The following ERC2 variants were observed in gnomAD, a reference collection of about 807,000 sequenced individuals.
The protein encoded by ERC2 is ELKS/RAB6-interacting/CAST family member 2, also known as ERC protein 2.
ERC2 carries 42 observed loss-of-function variants against 114.8 expected under a neutral mutation model. The observed-to-expected ratio is 0.37, with a 90% CI of 0.29 to 0.47. The LOEUF (loss-of-function observed/expected upper bound fraction) is 0.47. Ranked by LOEUF, ERC2 falls within the 20% of genes least tolerant of loss-of-function variation. The pLI, the probability that ERC2 is intolerant of heterozygous loss-of-function variation, is 0.99. For missense variants in ERC2, 939 were observed against 1,150.7 expected (o/e 0.82, Z 2.66); for synonymous variants, 454 against 425.5 (o/e 1.07, Z -0.82).
At position 56,368,196 on chromosome 3, in the gene ERC2, A is replaced by G. The variant is rs563533930; in HGVS notation, c.657+66155T>C. On this transcript the variant is annotated intron_variant, in intron 2 of 17. Coordinates refer to ENST00000288221, the MANE Select transcript of ERC2 (RefSeq NM_015576.3). ...TATTCTTTTTTTTTTAAAAAAAAAA[A>G]AAAAGCAAATGTAGACCAGCTAAGA... is the stretch of plus-strand genomic sequence containing the variant. Among the ~76,000 whole-genome samples the G allele has an allele frequency of 3.3e-5, 5 of 151,660 alleles. No homozygotes were observed. In the South Asian group the frequency reaches 1.0e-3, roughly 32 times the overall value.
At chr3:55,828,092 G>T (rs60065807) in intron 14 of ERC2, among the ~76,000 whole-genome samples, 3,604 of 152,306 alleles carry the variant, frequency 0.024, 78 homozygotes, top group South Asian at 0.085. Flanking sequence ...GTACAAAGAG[G>T]CACGAAAGAA....
chr3:56,328,518 T>A (rs2057466186), intron 2 of ERC2, among the ~76,000 whole-genome samples: 2 of 152,128 alleles, frequency 1.3e-5, no homozygotes, highest in South Asian at 4.1e-4. Context: ...GAAGATAAGG[T>A]ACAAACGGGT....
chr3:55,625,196 A>T (rs969155937), intron 17 of ERC2, among the ~76,000 whole-genome samples: 1 of 151,604 alleles, frequency 6.6e-6, no homozygotes, highest in Non-Finnish European at 1.5e-5. Context: ...GTGAAACCCC[A>T]TCTCTACTAA....
chr3:56,276,050 C>A (rs539276029), intron 3 of ERC2, among the ~76,000 whole-genome samples: 1 of 152,270 alleles, frequency 6.6e-6, no homozygotes, highest in Admixed American at 6.5e-5. Flanking sequence ...TTAAAGGTAG[C>A]TCTAGTACTT....
intron 14 of ERC2, among the ~76,000 whole-genome samples, chr3:55,760,097 C>A (rs2067328414): frequency 6.6e-6 from 1 of 152,152 alleles, no homozygotes; most frequent in Non-Finnish European, 1.5e-5. Flanking sequence ...CAGTCTCGTA[C>A]TTTTCTAATG....
intron 2 of ERC2, among the ~76,000 whole-genome samples, chr3:56,369,660 T>A (rs1437671232): frequency 1.3e-5 from 2 of 152,012 alleles, no homozygotes; most frequent in South Asian, 4.1e-4. Context: ...TGTATCTCCA[T>A]GAGCACCTAC....
intron 14 of ERC2, among the ~76,000 whole-genome samples, chr3:55,758,397 C>T (rs900184506): frequency 4.3e-4 from 65 of 152,208 alleles, no homozygotes; most frequent in African/African-American, 1.5e-3. Context: ...CAAACTCTGC[C>T]TCTTCTCATT....
At chr3:55,647,028 C>CCAGT in intron 17 of ERC2, 1 of 152,238 alleles carries the variant, frequency 6.6e-6, no homozygotes, top group East Asian at 1.9e-4. Context: ...AGAAGCCTGC[C>CCAGT]CAGTTCACCT....
intron 17 of ERC2, among the ~76,000 whole-genome samples, chr3:55,583,873 C>T (rs926056691): frequency 1.2e-5 from 1 of 80,130 alleles, no homozygotes; most frequent in Admixed American, 1.6e-4. Flanking sequence ...AGTCCAACCA[C>T]ATGCCAACTT....
At position 56,029,947 on chromosome 3, in the gene ERC2, A is replaced by G. The variant is rs2074278348; in HGVS notation, c.1642-10916T>C. Reference sequence around the variant, plus strand: ...ATCTTTCTTCTTTTTTCATATAAGCATCCAATGCTTACATTTTCTTCTCAG... The same window carrying G: ...ATCTTTCTTCTTTTTTCATATAAGCGTCCAATGCTTACATTTTCTTCTCAG... On this transcript the variant is annotated intron_variant, in intron 7 of 17. Coordinates refer to ENST00000288221, the MANE Select transcript of ERC2 (RefSeq NM_015576.3). Among the ~76,000 whole-genome samples, 3 of 152,096 alleles carry G rather than the reference A, an allele frequency of 2.0e-5. 1 individual carries two copies. The South Asian group carries it at 6.2e-4, about 31-fold the overall frequency.
intron 3 of ERC2, among the ~76,000 whole-genome samples, chr3:56,273,666 T>C (rs1328901390): frequency 6.6e-6 from 1 of 152,170 alleles, no homozygotes; most frequent in Non-Finnish European, 1.5e-5. Flanking sequence ...TGTATTATTT[T>C]GCACACCAGA....
At chr3:56,121,138 G>A (rs1399562333) in intron 6 of ERC2, among the ~76,000 whole-genome samples, 1 of 152,070 alleles carries the variant, frequency 6.6e-6, no homozygotes, top group African/African-American at 2.4e-5. Context: ...CTGTAGAATG[G>A]GGATAGTTCT....
chr3:55,681,788 G>A lies in ERC2; in HGVS notation c.*39+2006C>T, dbSNP rs371843268. 3.3e-5 allele frequency among the ~76,000 whole-genome samples: 5 copies of A among 152,208 alleles called. No individual in the cohort carries two copies. In the East Asian group the frequency reaches 5.8e-4, roughly 18 times the overall value. On this transcript the variant is annotated intron_variant, in intron 17 of 17. Coordinates refer to ENST00000288221, the MANE Select transcript of ERC2 (RefSeq NM_015576.3). ...AAAGGGGATAGGGCTTAATACAATC[G>A]TCTGCATTTGCCTTAAGCAAAGCAA...
intron 14 of ERC2, among the ~76,000 whole-genome samples, chr3:55,873,753 A>T (rs2149288264): frequency 6.6e-6 from 1 of 152,248 alleles, no homozygotes; most frequent in African/African-American, 2.4e-5. Flanking sequence ...TCTCTTATGG[A>T]CAAACTCCCC....
intron 17 of ERC2, among the ~76,000 whole-genome samples, chr3:55,683,460 G>A (rs1367669886): frequency 2.0e-5 from 3 of 152,138 alleles, no homozygotes; most frequent in Non-Finnish European, 2.9e-5. Context: ...GGAGAATTGC[G>A]ACAATTTCTG....
At chr3:56,385,660 C>T (rs1343798258) in intron 2 of ERC2, among the ~76,000 whole-genome samples, 3 of 152,120 alleles carry the variant, frequency 2.0e-5, no homozygotes, top group Non-Finnish European at 4.4e-5. Context: ...TGTTAAGGCA[C>T]CTCCTCCACT....
At chr3:55,525,117 G>T (rs1204452017) in intron 17 of ERC2, among the ~76,000 whole-genome samples, 1 of 152,208 alleles carries the variant, frequency 6.6e-6, no homozygotes, top group African/African-American at 2.4e-5. Flanking sequence ...ATTTCTCTGA[G>T]TATTGGCTTG....
At chr3:56,004,688 T>C (rs1010516617) in intron 10 of ERC2, among the ~76,000 whole-genome samples, 2 of 152,010 alleles carry the variant, frequency 1.3e-5, no homozygotes, top group Non-Finnish European at 2.9e-5. Context: ...CAATGTTGTG[T>C]AGATTTTATA....
intron 7 of ERC2, among the ~76,000 whole-genome samples, chr3:56,072,948 T>C (rs2076809582): frequency 1.3e-5 from 2 of 152,266 alleles, no homozygotes; most frequent in African/African-American, 2.4e-5. Context: ...GTTTTAATAA[T>C]TGCAATAATT....
Sources: allele counts gnomAD v4.1 joint callset (sites outside exome capture counted in the v4.1 genomes callset), GRCh38; gene constraint gnomAD v4.1.1; transcripts MANE v1.5; gene names NCBI Gene and HGNC (gene_info 2026-07-23, HGNC 2026-07-21).